Variants in IMMP2L observed in about 807,000 individuals in gnomAD.
IMMP2L encodes the protein mitochondrial inner membrane protease subunit 2.
Under a neutral mutation model 19.3 loss-of-function variants are expected in IMMP2L, and 18 were observed. That is an observed-to-expected ratio of 0.93 (90% CI 0.64 to 1.38). IMMP2L has a LOEUF of 1.38. Ranked by LOEUF, IMMP2L falls within the 40% of genes most tolerant of loss-of-function variation. The pLI, the probability that IMMP2L is intolerant of heterozygous loss-of-function variation, is 0.00. For missense variants in IMMP2L, 233 were observed against 218.2 expected (o/e 1.07, Z -0.43); for synonymous variants, 76 against 73.0 (o/e 1.04, Z -0.21).
intron 5 of IMMP2L, among the ~76,000 whole-genome samples, chr7:110,785,370 T>A (rs1433455861): frequency 1.3e-5 from 2 of 151,968 alleles, no homozygotes; most frequent in Non-Finnish European, 2.9e-5. Flanking sequence ...TCCACATCAG[T>A]GTGGCTGGAT....
intron 3 of IMMP2L, among the ~76,000 whole-genome samples, chr7:111,406,655 G>A (rs778353701): frequency 1.8e-4 from 28 of 152,096 alleles, no homozygotes; most frequent in Non-Finnish European, 3.5e-4. Flanking sequence ...TATCTAGGTG[G>A]TTTAATTCCT....
At chr7:111,195,244 G>C (rs1251276156) in intron 3 of IMMP2L, among the ~76,000 whole-genome samples, 2 of 151,974 alleles carry the variant, frequency 1.3e-5, no homozygotes, top group African/African-American at 4.8e-5. Flanking sequence ...AAGTAGTAAG[G>C]ACAGTAGAAA....
rs538992881 is a variant in IMMP2L at position 111,237,728 on chromosome 7, G to A, written c.239+249510C>T. Among the ~76,000 whole-genome samples the A allele has an allele frequency of 5.9e-5, 9 of 151,294 alleles. No homozygotes were observed. In the South Asian group the frequency reaches 6.3e-4, roughly 11 times the overall value. ...TTTAGGACAATTTCTACCATCATTC[G>A]GAGGGTTCAATTAGTCCAATCTGCT... On this transcript the variant is annotated intron_variant, in intron 3 of 5. Transcript: ENST00000405709.
intron 3 of IMMP2L, among the ~76,000 whole-genome samples, chr7:111,286,765 G>A (rs1384170967): frequency 2.0e-5 from 3 of 152,070 alleles, no homozygotes; most frequent in Non-Finnish European, 2.9e-5. Context: ...CCACTCCTAA[G>A]CAAAGGAAGG....
chr7:111,241,160 T>C (rs376520389), intron 3 of IMMP2L, among the ~76,000 whole-genome samples: 20 of 152,054 alleles, frequency 1.3e-4, no homozygotes, highest in East Asian at 1.2e-3. Flanking sequence ...AAACTATTAA[T>C]TTAAAATGCT....
At chr7:111,304,011 T>C (rs923263402) in intron 3 of IMMP2L, among the ~76,000 whole-genome samples, 6 of 152,132 alleles carry the variant, frequency 3.9e-5, no homozygotes, top group African/African-American at 1.4e-4. Context: ...CATACATTAA[T>C]GGAAAGTTTA....
intron 3 of IMMP2L, among the ~76,000 whole-genome samples, chr7:111,044,402 A>T (rs1792187523): frequency 6.6e-6 from 1 of 152,104 alleles, no homozygotes; most frequent in Non-Finnish European, 1.5e-5. Context: ...TCTACTAAAA[A>T]ATACAAAAAT....
At chr7:111,267,871 G>A (rs1422573556) in intron 3 of IMMP2L, among the ~76,000 whole-genome samples, 1 of 152,040 alleles carries the variant, frequency 6.6e-6, no homozygotes, top group Non-Finnish European at 1.5e-5. Context: ...ATGAGTCATT[G>A]TATAAAAATA....
chr7:110,686,244 A>G (rs941650192), intron 5 of IMMP2L, among the ~76,000 whole-genome samples: 1 of 152,042 alleles, frequency 6.6e-6, no homozygotes, highest in Admixed American at 6.6e-5. Flanking sequence ...TTATCTTCCT[A>G]GCACTCTGAG....
chr7:110,786,536 C>T (rs77188685), intron 5 of IMMP2L, among the ~76,000 whole-genome samples: 7 of 152,074 alleles, frequency 4.6e-5, no homozygotes, highest in African/African-American at 1.4e-4. Flanking sequence ...CTGGCACTCA[C>T]GTACCAGCCC....
At chr7:111,424,574 T>C (rs1835891643) in intron 3 of IMMP2L, among the ~76,000 whole-genome samples, 1 of 151,818 alleles carries the variant, frequency 6.6e-6, no homozygotes. Context: ...GAATAACAGC[T>C]GGGATTCATT....
In IMMP2L at chr7:110,849,299, G is replaced by A. The variant is rs542508228; in HGVS notation, c.408+37294C>T. Among the ~76,000 whole-genome samples, 7 of 152,082 alleles carry A rather than the reference G, an allele frequency of 4.6e-5. No homozygotes were observed. The East Asian group carries it at 9.7e-4, about 21-fold the overall frequency. On this transcript the variant is annotated intron_variant, in intron 5 of 5. Transcript: ENST00000405709. ...CATATCTATCTGATTTTTTGATAAA[G>A]AGTAACTTACAAGAAATGAACAGAA...
chr7:110,821,898 G>A (rs546555321), intron 5 of IMMP2L, among the ~76,000 whole-genome samples: 49 of 152,134 alleles, frequency 3.2e-4, no homozygotes, highest in African/African-American at 1.2e-3. Flanking sequence ...ACTCCAGCCT[G>A]GTGACAGAGC....
chr7:111,486,464 T>C (rs1381594799), intron 3 of IMMP2L, among the ~76,000 whole-genome samples: 3 of 152,176 alleles, frequency 2.0e-5, no homozygotes, highest in African/African-American at 7.2e-5. Context: ...GCAGTAACAC[T>C]GCTACCTTAA....
At chr7:110,679,487 G>A (rs1358609374) in intron 5 of IMMP2L, among the ~76,000 whole-genome samples, 2 of 152,056 alleles carry the variant, frequency 1.3e-5, no homozygotes, top group African/African-American at 4.8e-5. Flanking sequence ...ATATACATGA[G>A]TGGAGAGGTG....
chr7:110,769,699 A>C (rs577907764), intron 5 of IMMP2L, among the ~76,000 whole-genome samples: 1 of 152,284 alleles, frequency 6.6e-6, no homozygotes, highest in East Asian at 1.9e-4. Flanking sequence ...AACTGGAAAG[A>C]AAACGAACGG....
At chr7:111,391,840 C>G in intron 3 of IMMP2L, 1 of 702,334 alleles carries the variant, frequency 1.4e-6, no homozygotes, top group Non-Finnish European at 2.6e-6. Flanking sequence ...GACCATACCT[C>G]TCTTTCAGTT....
chr7:111,106,679 G>A (rs913080589), intron 3 of IMMP2L, among the ~76,000 whole-genome samples: 24 of 147,092 alleles, frequency 1.6e-4, no homozygotes, highest in South Asian at 2.3e-4. Context: ...TTAAAGTCTC[G>A]GTGTGTGAAA....
rs969496537 is a variant in IMMP2L at position 110,730,559 on chromosome 7, C to G, written c.409-66838G>C. 7.3e-5 allele frequency among the ~76,000 whole-genome samples: 11 copies of G among 149,924 alleles called. No homozygotes were observed. The South Asian group carries it at 2.3e-3, about 31-fold the overall frequency. On this transcript the variant is annotated intron_variant, in intron 5 of 5. Transcript: ENST00000405709. ...TTTTTTTTTTTTTGAGACGGAGTCT[C>G]GCTCTGTTGCCCAGGCTGGAGTGCA...
Sources: allele counts gnomAD v4.1 joint callset (sites outside exome capture counted in the v4.1 genomes callset), GRCh38; gene constraint gnomAD v4.1.1; transcripts MANE v1.5; gene names NCBI Gene and HGNC (gene_info 2026-07-23, HGNC 2026-07-21).